The following NEIL3 variants were observed in gnomAD, a reference collection of about 807,000 sequenced individuals.
NEIL3 encodes endonuclease 8-like 3.
NEIL3 carries 48 observed loss-of-function variants against 57.5 expected under a neutral mutation model. That is an observed-to-expected ratio of 0.83 (90% CI 0.66 to 1.06). The LOEUF (loss-of-function observed/expected upper bound fraction) is 1.06, where lower values mean the gene tolerates loss of function less well. Ranked by LOEUF, NEIL3 falls within the 50% of genes least tolerant of loss-of-function variation. The probability of loss-of-function intolerance (pLI) is 0.00; values close to 1 mark genes in which losing one functional copy is unlikely to be tolerated. For synonymous variants in NEIL3, 261 were observed against 253.2 expected, an observed-to-expected ratio of 1.03 and a Z score of -0.29; for missense variants, 717 against 739.1, an observed-to-expected ratio of 0.97 and a Z score of 0.35.
At chr4:177,329,639 T>A (rs1398922882) in intron 2 of NEIL3, among the ~76,000 whole-genome samples, 1 of 152,186 alleles carries the variant, frequency 6.6e-6, no homozygotes, top group Non-Finnish European at 1.5e-5. Context: ...TTCAACACTC[T>A]CTTGTCAGTA....
chr4:177,366,124 A>G (rs7689397), downstream of NEIL3, among the ~76,000 whole-genome samples: 126,470 of 152,102 alleles, frequency 0.83, 53,455 homozygotes, highest in Non-Finnish European at 0.9. Flanking sequence ...AAAATATGAA[A>G]TTGCAAATAT....
the NEIL3 span, among the ~76,000 whole-genome samples, chr4:177,368,739 C>A: frequency 8.5e-5 from 13 of 152,296 alleles, no homozygotes; most frequent in South Asian, 1.7e-3. Flanking sequence ...AAAAGTGTTA[C>A]TGGAAAATTC....
intron 1 of NEIL3, among the ~76,000 whole-genome samples, chr4:177,313,861 A>C (rs961816984): frequency 6.6e-6 from 1 of 152,192 alleles, no homozygotes; most frequent in Non-Finnish European, 1.5e-5. Flanking sequence ...GAATAGTGCA[A>C]AGTGATTAAA....
chr4:177,354,639 C>T (rs1265873749), intron 8 of NEIL3, among the ~76,000 whole-genome samples: 3 of 152,070 alleles, frequency 2.0e-5, no homozygotes, highest in Admixed American at 6.5e-5. Flanking sequence ...CAACAACATT[C>T]GGCTAATTTT....
At chr4:177,352,226 A>G (rs1452885821) in intron 7 of NEIL3, among the ~76,000 whole-genome samples, 1 of 152,200 alleles carries the variant, frequency 6.6e-6, no homozygotes, top group Non-Finnish European at 1.5e-5. Flanking sequence ...CATTGTGTCA[A>G]CTGTCATATT....
chr4:177,310,118 C>G lies in NEIL3; in HGVS notation c.156+9C>G, dbSNP rs1416518302. On this transcript the variant is annotated intron_variant, in intron 1 of 9. Coordinates refer to ENST00000264596, the MANE Select transcript of NEIL3 (RefSeq NM_018248.3). Reference sequence around the variant, plus strand: ...TTGTGGTCTCCCCGCAGGTGAGCTACTCCTGTAACAGGCCATGCAGTCAGC... The same window carrying G: ...TTGTGGTCTCCCCGCAGGTGAGCTAGTCCTGTAACAGGCCATGCAGTCAGC... 8.3e-6 allele frequency: 13 copies of G among 1,559,670 alleles called. No homozygotes were observed. The highest frequency in any genetic ancestry group is 1.1e-5 in the Non-Finnish European group (13 of 1,158,676).
intron 3 of NEIL3, 130 bp downstream of exon 3, chr4:177,335,952 T>A (rs1016055015): frequency 1.9e-6 from 2 of 1,061,286 alleles, no homozygotes; most frequent in African/African-American, 3.2e-5. Context: ...TAAAGAAGCC[T>A]TCAGATAATA....
chr4:177,332,468 T>C (rs559430435), intron 2 of NEIL3, among the ~76,000 whole-genome samples: 101 of 152,272 alleles, frequency 6.6e-4, no homozygotes, highest in Non-Finnish European at 1.3e-3. Flanking sequence ...TTCCTGTTCC[T>C]CCCTCAAGGA....
intron 1 of NEIL3, among the ~76,000 whole-genome samples, chr4:177,316,535 A>T (rs149066158): frequency 1.3e-5 from 2 of 152,304 alleles, no homozygotes; most frequent in African/African-American, 4.8e-5. Context: ...AAGGAGATTA[A>T]GTAGATGGTA....
intron 6 of NEIL3, among the ~76,000 whole-genome samples, chr4:177,347,110 G>C (rs976959046): frequency 6.6e-6 from 1 of 152,142 alleles, no homozygotes; most frequent in Non-Finnish European, 1.5e-5. Flanking sequence ...CCACAGTAGC[G>C]GATAGTGACG....
At position 177,362,466 on chromosome 4, in the gene NEIL3, T is replaced by C; in HGVS notation, c.1813T>C (p.Cys605Arg). Residue 605 changes from cysteine to arginine, a missense_variant, in exon 10 of 10, where the codon TGC (cysteine) becomes CGC (arginine). By Grantham distance (180) the Cys-to-Arg change is radical. Coordinates refer to ENST00000264596, the MANE Select transcript of NEIL3 (RefSeq NM_018248.3). ...NGPGIKIIPG[C>R] ...GCCAGGAATAAAAATTATTCCTGGA[T>C]GCTAATATCTGTAGATTCTCTGGCA... 1 of 1,608,744 alleles carries C rather than the reference T, an allele frequency of 6.2e-7. No homozygotes were observed. The highest frequency in any genetic ancestry group is 8.5e-7 in the Non-Finnish European group (1 of 1,176,694).
chr4:177,358,573 C>T (rs952780849), intron 8 of NEIL3, among the ~76,000 whole-genome samples: 3 of 152,268 alleles, frequency 2.0e-5, no homozygotes, highest in Non-Finnish European at 4.4e-5. Flanking sequence ...TCCCAAAGTG[C>T]TGGGATTACA....
At chr4:177,326,978 G>C (rs191889418) in intron 2 of NEIL3, among the ~76,000 whole-genome samples, 2 of 152,162 alleles carry the variant, frequency 1.3e-5, no homozygotes, top group Admixed American at 1.3e-4. Flanking sequence ...GTGTGGGGGG[G>C]CATGTAATCC....
chr4:177,310,174 G>C (rs559184445), intron 1 of NEIL3, 65 bp downstream of exon 1: 1 of 1,423,736 alleles, frequency 7.0e-7, no homozygotes, highest in East Asian at 2.8e-5. Context: ...ACCCCATCAG[G>C]GTTCCAGGAT....
intron 6 of NEIL3, among the ~76,000 whole-genome samples, chr4:177,346,535 T>C (rs1244873934): frequency 6.6e-6 from 1 of 152,162 alleles, no homozygotes; most frequent in East Asian, 1.9e-4. Flanking sequence ...TTCTTCTGCC[T>C]CTCTTTCATG....
intron 6 of NEIL3, chr4:177,343,447 AG>A (rs1578999629): frequency 6.6e-6 from 1 of 152,468 alleles, no homozygotes; most frequent in East Asian, 1.9e-4. Flanking sequence ...GATTGGACAT[AG>A]GAAGAGACTC....
At chr4:177,316,482 A>G (rs908483389) in intron 1 of NEIL3, among the ~76,000 whole-genome samples, 1 of 152,102 alleles carries the variant, frequency 6.6e-6, no homozygotes, top group Non-Finnish European at 1.5e-5. Flanking sequence ...ACTCCATTGC[A>G]GGTAATTAGA....
At position 177,321,128 on chromosome 4, in the gene NEIL3, A is replaced by G. The variant is rs569321767; in HGVS notation, c.157-1331A>G. On this transcript the variant is annotated intron_variant, in intron 1 of 9. Transcript: ENST00000264596. ...TCAAAAGTTTGAGAATCACTGAACA[A>G]TATCATTTCACTCTAAATTGAGGAA... Among the ~76,000 whole-genome samples the G allele has an allele frequency of 6.6e-5, 10 of 152,318 alleles. No homozygotes were observed. In the South Asian group the frequency reaches 2.1e-3, roughly 32 times the overall value.
chr4:177,369,448 C>G, the NEIL3 span, among the ~76,000 whole-genome samples: 1 of 152,046 alleles, frequency 6.6e-6, no homozygotes, highest in Non-Finnish European at 1.5e-5. Flanking sequence ...TAAATGGATC[C>G]TGGGATGGGC....
Sources: allele counts gnomAD v4.1 joint callset (sites outside exome capture counted in the v4.1 genomes callset), GRCh38; gene constraint gnomAD v4.1.1; transcripts MANE v1.5; gene names NCBI Gene and HGNC (gene_info 2026-07-23, HGNC 2026-07-21).